The following DPYSL2 variants were observed in gnomAD, a reference collection of about 807,000 sequenced individuals.
DPYSL2 encodes the protein dihydropyrimidinase-related protein 2.
Under a neutral mutation model 69.9 loss-of-function variants are expected in DPYSL2, and 13 were observed. The ratio of observed to expected loss-of-function variants is 0.19; its 90% CI spans 0.12 to 0.30. The LOEUF is 0.30. DPYSL2 is among the 10% of genes least tolerant of loss of function. The probability of loss-of-function intolerance (pLI) is 1.00; values close to 1 mark genes in which losing one functional copy is unlikely to be tolerated. For synonymous variants in DPYSL2, 326 were observed against 359.1 expected, an observed-to-expected ratio of 0.91 and a Z score of 1.04; for missense variants, 587 against 918.9, an observed-to-expected ratio of 0.64 and a Z score of 4.67.
Position 26,587,472 on chromosome 8 carries a change from G to A in DPYSL2, c.628+3489G>A, listed in dbSNP as rs547612364. Among the ~76,000 whole-genome samples, 56 of 152,072 alleles carry A rather than the reference G, an allele frequency of 3.7e-4. No individual in the cohort carries two copies. Among genetic ancestry groups the A allele is most frequent in the Non-Finnish European group, 6.9e-4 (47 of 68,024 alleles). On this transcript the variant is annotated intron_variant, in intron 3 of 13. Transcript: ENST00000521913. The surrounding 1 kb of genome is among the most constrained non-coding windows in gnomAD (Gnocchi z 4.2). ...TCGCCTGCCTCCCTGCTGGCTCTGC[G>A]TTTCCCAGGTCACAGGCCCTGGAGA...
At position 26,604,456 on chromosome 8, in the gene DPYSL2, G is replaced by A. The variant is rs562199537; in HGVS notation, c.629-19687G>A. Among the ~76,000 whole-genome samples, 19 of 152,284 alleles carry A rather than the reference G, an allele frequency of 1.2e-4. No homozygotes were observed. The South Asian group carries it at 3.7e-3, about 30-fold the overall frequency. On this transcript the variant is annotated intron_variant, in intron 3 of 13. Coordinates refer to ENST00000521913, the MANE Select transcript of DPYSL2 (RefSeq NM_001197293.3). ...AGGCTTCCTGGAGGAGGGGGTAGTGGCCCCAGCTGGGGAAAGAGGAGGTAA... is the reference window on the plus strand; with the variant it reads ...AGGCTTCCTGGAGGAGGGGGTAGTGACCCCAGCTGGGGAAAGAGGAGGTAA...
chr8:26,578,688 A>C (rs1801416889), intron 1 of DPYSL2, among the ~76,000 whole-genome samples: 1 of 152,190 alleles, frequency 6.6e-6, no homozygotes, highest in Non-Finnish European at 1.5e-5. Context: ...GGACTCCTCC[A>C]GCAGCGATGG....
At chr8:26,616,919 G>T (rs11775859) in intron 3 of DPYSL2, among the ~76,000 whole-genome samples, 14,858 of 151,864 alleles carry the variant, frequency 0.098, 942 homozygotes, top group Middle Eastern at 0.16. Context: ...TCAGAGGGCA[G>T]GGTGGAGGGT....
intron 1 of DPYSL2, among the ~76,000 whole-genome samples, chr8:26,529,725 G>A (rs570773861): frequency 4.4e-4 from 53 of 121,566 alleles, no homozygotes; most frequent in African/African-American, 1.3e-3. Flanking sequence ...AATTTTAACC[G>A]TAATTTTTTT....
intron 1 of DPYSL2, among the ~76,000 whole-genome samples, chr8:26,545,736 C>A (rs1005014992): frequency 2.6e-5 from 4 of 151,602 alleles, no homozygotes; most frequent in Non-Finnish European, 4.4e-5. Flanking sequence ...CACTGCACTC[C>A]AGCCTGAGCA....
At chr8:26,603,564 G>C (rs370246834) in intron 3 of DPYSL2, among the ~76,000 whole-genome samples, 18 of 152,264 alleles carry the variant, frequency 1.2e-4, no homozygotes, top group African/African-American at 4.3e-4. Flanking sequence ...TTGTGTATTC[G>C]CATTGTTGTA....
intron 7 of DPYSL2, among the ~76,000 whole-genome samples, chr8:26,631,340 C>T (rs35493897): frequency 0.14 from 20,589 of 152,168 alleles, 1,621 homozygotes; most frequent in Non-Finnish European, 0.18. Context: ...TCTTATGTGG[C>T]GGCAAGAGAG....
rs10093591 is a variant in DPYSL2, at chr8:26,643,114, A to G, written c.1127-325A>G. On this transcript the variant is annotated intron_variant, in intron 8 of 13. Transcript: ENST00000521913. The surrounding 1 kb of genome is among the most constrained non-coding windows in gnomAD (Gnocchi z 6.5). Reference sequence around the variant, plus strand: ...ATGGCACCTGGGACCGGATGCCTGGACACCATCCGAGCAGGAGATTAATGG... The same window carrying G: ...ATGGCACCTGGGACCGGATGCCTGGGCACCATCCGAGCAGGAGATTAATGG... 0.09 allele frequency: 23,697 copies of G among 262,666 alleles called. 1,272 individuals carry two copies. The highest frequency in any genetic ancestry group is 0.13 in the South Asian group (1,520 of 11,996). The allele number at this position is 262,666 out of a possible 1,614,324, so 16.3% of individuals were successfully genotyped here.
chr8:26,636,663 G>A (rs981319856), intron 8 of DPYSL2, among the ~76,000 whole-genome samples: 12 of 152,150 alleles, frequency 7.9e-5, no homozygotes, highest in African/African-American at 2.7e-4. Flanking sequence ...CGGAGCTGGA[G>A]TGTGTTGTTG....
chr8:26,553,812 A>C (rs1413571777), intron 1 of DPYSL2, among the ~76,000 whole-genome samples: 1 of 151,888 alleles, frequency 6.6e-6, no homozygotes, highest in Non-Finnish European at 1.5e-5. Flanking sequence ...TACTTTCCAC[A>C]GTAATTAAAC....
intron 10 of DPYSL2, among the ~76,000 whole-genome samples, chr8:26,645,612 C>T (rs527988342): frequency 1.3e-5 from 2 of 152,156 alleles, no homozygotes; most frequent in South Asian, 4.2e-4. Flanking sequence ...TGCAGTGGTG[C>T]GATCTCAGCT....
rs547763919 is a variant in DPYSL2, at chr8:26,521,062, C to T, written c.354+6383C>T. Among the ~76,000 whole-genome samples the T allele has an allele frequency of 3.3e-5, 5 of 152,188 alleles. No individual in the cohort carries two copies. The East Asian group carries it at 9.7e-4, about 29-fold the overall frequency. ...GGAGAAGGGAACACAAACACAAAGT[C>T]CATAACAATCATGAAATACAAGCAA... On this transcript the variant is annotated intron_variant, in intron 1 of 13. Transcript: ENST00000521913.
In DPYSL2 at chr8:26,627,240, G is replaced by A. The variant is rs1434830669; in HGVS notation, c.881G>A (p.Arg294Gln). The A allele has an allele frequency of 4.3e-6, 7 of 1,614,146 alleles. No homozygotes were observed. The highest frequency in any genetic ancestry group is 2.2e-5 in the East Asian group (1 of 44,880). The change falls in exon 6 of 14, where the codon CGG becomes CAG. Residue 294 changes from arginine (R) to glutamine (Q), a missense_variant. This residue lies in a region of DPYSL2 where 452 missense variants were observed against 754.3 expected (regional missense o/e 0.60). Coordinates refer to ENST00000521913, the MANE Select transcript of DPYSL2 (RefSeq NM_001197293.3). The surrounding 1 kb of genome is among the most constrained non-coding windows in gnomAD (Gnocchi z 6.9). Reference sequence around the variant, plus strand: ...ATTTATGAAGTACTGAGTGTGATCCGGGATATTGGCGCCATAGCCCAAGTC... The same window carrying A: ...ATTTATGAAGTACTGAGTGTGATCCAGGATATTGGCGCCATAGCCCAAGTC... ...CQIYEVLSVI[R>Q]DIGAIAQVHA...
At chr8:26,618,827 G>A (rs940908998) in intron 3 of DPYSL2, among the ~76,000 whole-genome samples, 7 of 150,888 alleles carry the variant, frequency 4.6e-5, no homozygotes, top group Admixed American at 1.3e-4. Flanking sequence ...GCATGATGGC[G>A]CGCGCCTGTG....
chr8:26,575,933 C>G (rs540595432), intron 1 of DPYSL2, among the ~76,000 whole-genome samples: 1 of 152,152 alleles, frequency 6.6e-6, no homozygotes, highest in Non-Finnish European at 1.5e-5. Flanking sequence ...TGGTTTTTCA[C>G]AAGTAGAGAG....
chr8:26,581,705 C>CT (rs796222341), intron 1 of DPYSL2, among the ~76,000 whole-genome samples: 49 of 146,872 alleles, frequency 3.3e-4, no homozygotes, highest in East Asian at 7.9e-4. Flanking sequence ...ATTTTCACTG[C>CT]TTTTTTTTTT....
At chr8:26,584,613 CTTTTTTTTTTTT>C (rs35587383) in intron 3 of DPYSL2, among the ~76,000 whole-genome samples, 3 of 100,146 alleles carry the variant, frequency 3.0e-5, no homozygotes, top group South Asian at 3.5e-4. Flanking sequence ...GGGCTTTGTG[CTTTTTTTTTTTT>C]TTTTTTTTTT....
At chr8:26,604,067 G>A (rs1585539662) in intron 3 of DPYSL2, among the ~76,000 whole-genome samples, 1 of 152,076 alleles carries the variant, frequency 6.6e-6, no homozygotes, top group Non-Finnish European at 1.5e-5. Flanking sequence ...ATAATTTCAG[G>A]GTTACTGTGC....
intron 1 of DPYSL2, among the ~76,000 whole-genome samples, chr8:26,563,256 A>G (rs1801101414): frequency 6.6e-6 from 1 of 152,130 alleles, no homozygotes; most frequent in Admixed American, 6.5e-5. Flanking sequence ...TTCTGTTCCC[A>G]AAACATTCCA....
Sources: gnomAD v4.1 joint callset for allele counts (sites outside exome capture counted in the v4.1 genomes callset) on GRCh38, gnomAD v4.1.1 for gene constraint, gnomAD v4.1.1 regional missense constraint, Gnocchi (gnomAD v3.1) non-coding constraint, MANE v1.5 for transcripts, NCBI Gene and HGNC (gene_info 2026-07-23, HGNC 2026-07-21) for gene names.